The following KAT6A variants were observed in gnomAD, a reference collection of about 807,000 sequenced individuals.
The protein encoded by KAT6A is lysine acetyltransferase 6A, also known as histone acetyltransferase KAT6A.
In KAT6A, 9 loss-of-function variants were observed where a neutral mutation model predicts 198.4. The observed-to-expected ratio is 0.05, with a 90% confidence interval of 0.03 to 0.08. The LOEUF (loss-of-function observed/expected upper bound fraction) is 0.08, where lower values mean the gene tolerates loss of function less well. KAT6A is among the 10% of genes least tolerant of loss of function. KAT6A has a pLI of 1.00. For synonymous variants in KAT6A, 890 were observed against 883.0 expected (o/e 1.01, Z -0.14); for missense variants, 2,077 against 2,509.9 (o/e 0.83, Z 3.69).
Position 41,933,117 on chromosome 8 carries a change from CG to C in KAT6A, c.5102del (p.Pro1701ArgfsTer7). Reference protein sequence around the residue: ...PPPPPPQQQPPLSQCSMNNSF... With the variant: ...PPPPPPQQQPXLSQCSMNNSF... The stretch of plus-strand genomic sequence containing the variant: ...TGTTATTCATACTACACTGTGACAG[CG>C]GGGGCTGCTGCTGGGGAGGGGGTGG... On this transcript the variant is annotated frameshift_variant, in exon 17 of 17. Coordinates refer to ENST00000265713, the MANE Select transcript of KAT6A (RefSeq NM_006766.5). LOFTEE classifies it high-confidence loss of function. This position sits in a 1 kb window ranked among gnomAD's most constrained non-coding sequence, Gnocchi z 6.2. 4.6e-6 allele frequency: 1 copy of C among 216,268 alleles called. No homozygotes were observed. 13.4% of individuals were successfully genotyped at this position (216,268 alleles called of 1,614,324 possible).
intron 8 of KAT6A, among the ~76,000 whole-genome samples, chr8:41,970,301 C>T (rs1823722412): frequency 6.6e-6 from 1 of 152,130 alleles, no homozygotes; most frequent in African/African-American, 2.4e-5. Flanking sequence ...TGTTTATTTC[C>T]TTGGTGCCAA....
At chr8:41,934,919 T>C (rs1821776906) in intron 16 of KAT6A, 52 bp from the exon 17 acceptor site, 1 of 1,397,718 alleles carries the variant, frequency 7.2e-7, no homozygotes, top group Non-Finnish European at 9.8e-7. Context: ...TTACATTTTC[T>C]AGTTCCTTCT....
intron 4 of KAT6A, 115 bp downstream of exon 4, chr8:41,981,724 C>A: frequency 1.5e-6 from 1 of 677,340 alleles, no homozygotes; most frequent in Non-Finnish European, 2.7e-6. Flanking sequence ...ACCGGCTATT[C>A]TAAATGCTAC....
chr8:42,011,586 A>G (rs962015252), intron 2 of KAT6A, among the ~76,000 whole-genome samples: 1 of 151,994 alleles, frequency 6.6e-6, no homozygotes, highest in Non-Finnish European at 1.5e-5. Flanking sequence ...AAAAACACAG[A>G]AAAATCAGCT....
intron 2 of KAT6A, among the ~76,000 whole-genome samples, chr8:42,031,593 A>AAATAAAT (rs1208962652): frequency 6.7e-6 from 1 of 150,308 alleles, no homozygotes; most frequent in Non-Finnish European, 1.5e-5. Context: ...CAGATCTATG[A>AAATAAAT]AATAAATATT....
chr8:42,043,157 A>G (rs1771744003), intron 2 of KAT6A, among the ~76,000 whole-genome samples: 1 of 152,226 alleles, frequency 6.6e-6, no homozygotes, highest in Middle Eastern at 3.2e-3. Flanking sequence ...ACAGGACCTA[A>G]ATCTTAAATC....
At chr8:42,037,691 CTTT>C (rs35961436) in intron 2 of KAT6A, among the ~76,000 whole-genome samples, 3 of 140,850 alleles carry the variant, frequency 2.1e-5, no homozygotes, top group Non-Finnish European at 3.1e-5. Flanking sequence ...ACATTGAAAG[CTTT>C]TTTTTTTTTT....
At chr8:41,989,283 C>T (rs1587790652) in intron 2 of KAT6A, among the ~76,000 whole-genome samples, 1 of 151,966 alleles carries the variant, frequency 6.6e-6, no homozygotes, top group African/African-American at 2.4e-5. Flanking sequence ...CCGAGGCGGG[C>T]GGATCACCTG....
chr8:42,026,086 A>T (rs1235145236), intron 2 of KAT6A, among the ~76,000 whole-genome samples: 1 of 152,158 alleles, frequency 6.6e-6, no homozygotes, highest in Non-Finnish European at 1.5e-5. Context: ...GTTGGCTGTA[A>T]ATACATGGAT....
At chr8:42,043,655 T>G (rs987960660) in intron 2 of KAT6A, 1 of 152,156 alleles carries the variant, frequency 6.6e-6, no homozygotes, top group African/African-American at 2.4e-5. Context: ...CTTTAACAAT[T>G]AGGAAATGTG....
chr8:41,941,240 C>T lies in KAT6A; in HGVS notation c.2641G>A (p.Asp881Asn). 6.2e-7 allele frequency: 1 copy of T among 1,614,154 alleles called. No individual in the cohort carries two copies. Residue 881 changes from aspartate to asparagine, a missense_variant, in exon 15 of 17, where the codon GAT becomes AAT. Physicochemically the swap from Asp to Asn is conservative, Grantham distance 23 (BLOSUM62 1). Coordinates refer to ENST00000265713, the MANE Select transcript of KAT6A (RefSeq NM_006766.5). ...KNRKTQERFG[D>N]KDSKLLLEET... ...TCCAAGAGCAGTTTAGAATCTTTAT[C>T]ACCAAAACGTTCCTGGGTTTTTCTG...
chr8:42,042,856 A>G (rs1327954363), intron 2 of KAT6A, among the ~76,000 whole-genome samples: 1 of 152,234 alleles, frequency 6.6e-6, no homozygotes, highest in East Asian at 1.9e-4. Flanking sequence ...TATATATTCA[A>G]GTAAATTATG....
In KAT6A at chr8:41,980,864, G is replaced by A; in HGVS notation, c.889C>T (p.Leu297Phe). 1 of 1,612,614 alleles carries A rather than the reference G, an allele frequency of 6.2e-7. No homozygotes were observed. The highest frequency in any genetic ancestry group is 8.5e-7 in the Non-Finnish European group (1 of 1,178,754). Residue 297 changes from leucine (L) to phenylalanine (F), a missense_variant, in exon 5 of 17, where the codon CTC (leucine) becomes TTC (phenylalanine). By Grantham distance (22) the Leu-to-Phe change is conservative. This residue lies in a region of KAT6A where 89 missense variants were observed against 154.4 expected (regional missense o/e 0.58). Transcript: ENST00000265713. Reference protein sequence around the residue: ...GFHMECCDPPLTRMPKGMWIC... With the variant: ...GFHMECCDPPFTRMPKGMWIC... ...TTCTCACCTTTTGGCATACGGGTGA[G>A]TGGCGGATCACAACACTCCATGTGA...
intron 3 of KAT6A, among the ~76,000 whole-genome samples, chr8:41,983,013 AT>A (rs1421748818): frequency 2.6e-5 from 4 of 152,230 alleles, no homozygotes; most frequent in African/African-American, 9.6e-5. Context: ...AAAGTGAGTT[AT>A]CTGCTCACAA....
In KAT6A at chr8:41,977,381, T is replaced by A. The variant is rs560873838; in HGVS notation, c.1044-54A>T. On this transcript the variant is annotated intron_variant, in intron 6 of 16. Coordinates refer to ENST00000265713, the MANE Select transcript of KAT6A (RefSeq NM_006766.5). The stretch of plus-strand genomic sequence containing the variant: ...GTATTAAAAAAGATACTTGTAAGGT[T>A]CCTTTTTAATACATAACATATAATT... The A allele has an allele frequency of 3.2e-6, 4 of 1,263,890 alleles. No individual in the cohort carries two copies. In the East Asian group the frequency reaches 7.0e-5, roughly 22 times the overall value. 78.3% of individuals were successfully genotyped at this position (1,263,890 alleles called of 1,614,324 possible).
chr8:42,013,895 A>G (rs1395315337), intron 2 of KAT6A, among the ~76,000 whole-genome samples: 1 of 152,216 alleles, frequency 6.6e-6, no homozygotes, highest in African/African-American at 2.4e-5. Context: ...AACTGTTTGT[A>G]AAGACCAGAC....
chr8:41,943,127 G>A (rs1587722470), intron 13 of KAT6A, 127 bp from the exon 14 acceptor site: 25 of 1,217,774 alleles, frequency 2.1e-5, no homozygotes, highest in Middle Eastern at 2.8e-4. Context: ...TGCCTGGGAC[G>A]ATGGAATGCA....
At chr8:41,955,712 A>G (rs146617454) in intron 8 of KAT6A, among the ~76,000 whole-genome samples, 1 of 152,356 alleles carries the variant, frequency 6.6e-6, no homozygotes, top group African/African-American at 2.4e-5. Context: ...ATGACTTAAT[A>G]TTAAAGAGAA....
chr8:42,018,498 G>A (rs1826373921), intron 2 of KAT6A, among the ~76,000 whole-genome samples: 1 of 152,112 alleles, frequency 6.6e-6, no homozygotes, highest in Non-Finnish European at 1.5e-5. Flanking sequence ...GGCAACAAGA[G>A]CAAAACTATC....
Sources: allele counts gnomAD v4.1 joint callset (sites outside exome capture counted in the v4.1 genomes callset), GRCh38; gene constraint gnomAD v4.1.1; regional missense constraint gnomAD v4.1.1; non-coding constraint Gnocchi (gnomAD v3.1); transcripts MANE v1.5; gene names NCBI Gene and HGNC (gene_info 2026-07-23, HGNC 2026-07-21).